The following RPS6KA6 variants were observed in gnomAD, a reference collection of about 807,000 sequenced individuals.
RPS6KA6 encodes ribosomal protein S6 kinase alpha-6.
A neutral mutation model predicts 65.4 loss-of-function variants in RPS6KA6; 27 were observed. That is an observed-to-expected ratio of 0.41 (90% CI 0.30 to 0.57). The LOEUF (loss-of-function observed/expected upper bound fraction) is 0.57, where lower values mean the gene tolerates loss of function less well. RPS6KA6 is among the 20% of genes least tolerant of loss of function. The probability of loss-of-function intolerance (pLI) is 0.24; values close to 1 mark genes in which losing one functional copy is unlikely to be tolerated. For missense variants in RPS6KA6, 486 were observed against 555.6 expected (o/e 0.87, Z 1.26); for synonymous variants, 190 against 184.2 (o/e 1.03, Z -0.26).
At chrX:84,086,346 G>A (rs1161672617) in intron 20 of RPS6KA6, among the ~76,000 whole-genome samples, 1 of 111,406 alleles carries the variant, frequency 9.0e-6, no homozygotes, top group African/African-American at 3.3e-5. Flanking sequence ...AGAGATTCTG[G>A]TACATTGTCT....
intron 2 of RPS6KA6, among the ~76,000 whole-genome samples, chrX:84,160,328 C>A (rs2035490964): frequency 9.0e-6 from 1 of 111,337 alleles, no homozygotes; most frequent in South Asian, 3.7e-4. Context: ...AGAGGGCCAA[C>A]AGTGCTGTAA....
rs192127024 is a variant in RPS6KA6 at position 84,183,036 on chromosome X, G to A, written c.81+4783C>T. 2.1e-3 allele frequency among the ~76,000 whole-genome samples: 237 copies of A among 112,028 alleles called. 1 individual carries two copies. Among genetic ancestry groups the A allele is most frequent in the African/African-American group, 7.2e-3 (222 of 30,866 alleles). ...TAAAGAATTTAAGCATTCTAAGCACGATCAGAAACCTTCAGAGTGGAATGC... is the reference window on the plus strand; with the variant it reads ...TAAAGAATTTAAGCATTCTAAGCACAATCAGAAACCTTCAGAGTGGAATGC... On this transcript the variant is annotated intron_variant, in intron 1 of 21. Coordinates refer to ENST00000262752, the MANE Select transcript of RPS6KA6 (RefSeq NM_014496.5).
At chrX:84,162,810 C>T (rs2035534243) in intron 2 of RPS6KA6, among the ~76,000 whole-genome samples, 1 of 111,754 alleles carries the variant, frequency 8.9e-6, no homozygotes, top group African/African-American at 3.2e-5. Context: ...ATTACTATGC[C>T]TATTAGTCCA....
At chrX:84,098,753 A>C (rs1293555309) in intron 18 of RPS6KA6, among the ~76,000 whole-genome samples, 1 of 111,352 alleles carries the variant, frequency 9.0e-6, no homozygotes, top group African/African-American at 3.2e-5. Flanking sequence ...AGTATATAAC[A>C]AACTTAAAAT....
Position 84,059,849 on chromosome X carries a change from A to T in RPS6KA6, c.*4428T>A, listed in dbSNP as rs1171168225. The T allele has an allele frequency of 8.9e-6, 1 of 112,113 alleles. No individual in the cohort carries two copies. Among genetic ancestry groups the T allele is most frequent in the Non-Finnish European group, 1.9e-5 (1 of 53,207 alleles). 9.2% of individuals were successfully genotyped at this position (112,113 alleles called of 1,213,427 possible). ...TATTTATTTATAAGCATTTAGCTAAAATTTATTTAGTGAATAATTGAAACA... is the reference window on the plus strand; with the variant it reads ...TATTTATTTATAAGCATTTAGCTAATATTTATTTAGTGAATAATTGAAACA... On this transcript the variant is annotated 3_prime_UTR_variant, in exon 22 of 22. Coordinates refer to ENST00000262752, the MANE Select transcript of RPS6KA6 (RefSeq NM_014496.5).
At chrX:84,121,136 A>C (rs774418899) in intron 8 of RPS6KA6, among the ~76,000 whole-genome samples, 1 of 112,457 alleles carries the variant, frequency 8.9e-6, no homozygotes, top group Non-Finnish European at 1.9e-5. Flanking sequence ...GTCTGCAGGA[A>C]GCGTTACATG....
intron 12 of RPS6KA6, among the ~76,000 whole-genome samples, chrX:84,109,547 G>A (rs570013230): frequency 7.5e-4 from 83 of 110,881 alleles, no homozygotes; most frequent in African/African-American, 2.6e-3. Context: ...GGGCGCTCCC[G>A]AGAGCCCAGC....
intron 18 of RPS6KA6, 112 bp downstream of exon 18, chrX:84,101,924 GA>G: frequency 1.7e-6 from 1 of 604,654 alleles, no homozygotes; most frequent in Non-Finnish European, 2.4e-6. Context: ...CTTTAAAACT[GA>G]AAAGGGCAAG....
At chrX:84,065,618 C>T (rs2033383111) in intron 20 of RPS6KA6, among the ~76,000 whole-genome samples, 1 of 111,782 alleles carries the variant, frequency 8.9e-6, no homozygotes, top group Non-Finnish European at 1.9e-5. Flanking sequence ...ATAGTAGTCC[C>T]CAGTGCATTT....
intron 6 of RPS6KA6, among the ~76,000 whole-genome samples, chrX:84,136,906 G>C (rs2035000471): frequency 1.8e-5 from 2 of 111,717 alleles, no homozygotes; most frequent in South Asian, 7.4e-4. Flanking sequence ...GGAGGCCCAA[G>C]ACATGAACTC....
In RPS6KA6 at chrX:84,140,758, C is replaced by CATATATATATATATATATATATATATAT. The variant is rs1191737057; in HGVS notation, c.501+4719_501+4720insATATATATATATATATATATATATATAT. Among the ~76,000 whole-genome samples, 107 of 79,272 alleles carry CATATATATATATATATATATATATATAT rather than the reference C, an allele frequency of 1.3e-3. 1 individual carries two copies. The highest frequency in any genetic ancestry group is 3.5e-3 in the East Asian group (7 of 2,017). The allele number at this position is 79,272 out of a possible 115,157, so 68.8% of individuals were successfully genotyped here. A position where few individuals can be genotyped will look rare whatever the true frequency, so the allele number is the denominator to read the frequency against. On this transcript the variant is annotated intron_variant, in intron 6 of 21. Coordinates refer to ENST00000262752, the MANE Select transcript of RPS6KA6 (RefSeq NM_014496.5). ...CAAAAAAAAAAAAAAAAAAAACATACATATATATATATATAGTCAAACATG... is the reference window on the plus strand; with the variant it reads ...CAAAAAAAAAAAAAAAAAAAACATACATATATATATATATATATATATATATATATATATATATATATAGTCAAACATG...
chrX:84,086,045 A>G (rs1275838509), intron 20 of RPS6KA6, among the ~76,000 whole-genome samples: 1 of 110,809 alleles, frequency 9.0e-6, no homozygotes, highest in Non-Finnish European at 1.9e-5. Context: ...TCTATTGTCT[A>G]TTTGATTCTT....
chrX:84,091,004 G>C (rs1450516501), intron 20 of RPS6KA6, among the ~76,000 whole-genome samples: 1 of 111,692 alleles, frequency 9.0e-6, no homozygotes, highest in African/African-American at 3.3e-5. Flanking sequence ...TGAGTGGATT[G>C]AAAAGAGTAC....
intron 1 of RPS6KA6, among the ~76,000 whole-genome samples, chrX:84,182,309 T>A (rs1232690747): frequency 1.8e-5 from 2 of 110,724 alleles, no homozygotes; most frequent in Admixed American, 1.9e-4. Context: ...CAAAAAAAAA[T>A]ATTGGCAGCA....
chrX:84,145,727 T>C (rs1446712121), intron 5 of RPS6KA6, among the ~76,000 whole-genome samples, 170 bp from the exon 6 acceptor site: 1 of 111,317 alleles, frequency 9.0e-6, no homozygotes, highest in Non-Finnish European at 1.9e-5. Flanking sequence ...GAAATAGCTA[T>C]AAACCCCTTC....
intron 20 of RPS6KA6, among the ~76,000 whole-genome samples, chrX:84,066,856 A>G (rs1467446141): frequency 9.0e-6 from 1 of 111,576 alleles, no homozygotes. Context: ...GGGTCAACAG[A>G]CACACCATAC....
In RPS6KA6 at chrX:84,097,865, C is replaced by T. The variant is rs2034187281; in HGVS notation, c.1777-17G>A. On this transcript the variant is annotated splice_polypyrimidine_tract_variant and intron_variant, in intron 18 of 21. Coordinates refer to ENST00000262752, the MANE Select transcript of RPS6KA6 (RefSeq NM_014496.5). ...CATAAGAACCTAAGAAAGAAATACT[C>T]ATTATATGGTGTTACTCAATATAAA... 1.8e-6 allele frequency: 2 copies of T among 1,094,946 alleles called. No individual in the cohort carries two copies. Among genetic ancestry groups the T allele is most frequent in the Non-Finnish European group, 2.5e-6 (2 of 797,538 alleles). 90.2% of individuals were successfully genotyped at this position (1,094,946 alleles called of 1,213,427 possible). A position where few individuals can be genotyped will look rare whatever the true frequency, so the allele number is the denominator to read the frequency against.
chrX:84,142,112 G>A (rs188445202), intron 6 of RPS6KA6, among the ~76,000 whole-genome samples: 2 of 111,077 alleles, frequency 1.8e-5, no homozygotes, highest in East Asian at 2.8e-4. Context: ...CAAGATACAC[G>A]ACATTCTGAA....
intron 6 of RPS6KA6, among the ~76,000 whole-genome samples, chrX:84,145,212 A>T (rs1428654765): frequency 9.0e-6 from 1 of 111,367 alleles, no homozygotes; most frequent in East Asian, 2.8e-4. Flanking sequence ...AGAGGTGTTT[A>T]GGTAGCTTGA....
Sources: allele counts gnomAD v4.1 joint callset (sites outside exome capture counted in the v4.1 genomes callset), GRCh38; gene constraint gnomAD v4.1.1; transcripts MANE v1.5; gene names NCBI Gene and HGNC (gene_info 2026-07-23, HGNC 2026-07-21).